The following TMEM108 variants were observed in gnomAD, a reference collection of about 807,000 sequenced individuals.
TMEM108 encodes the protein transmembrane protein 108, also known as cancer/testis antigen 124.
A neutral mutation model predicts 35.1 loss-of-function variants in TMEM108; 12 were observed. The observed-to-expected ratio is 0.34, with a 90% CI of 0.22 to 0.55. The LOEUF is 0.55. Ranked by LOEUF, TMEM108 falls within the 20% of genes least tolerant of loss-of-function variation. The pLI is 0.89. For synonymous variants in TMEM108, 287 were observed against 308.6 expected, an observed-to-expected ratio of 0.93 and a Z score of 0.73; for missense variants, 680 against 753.3, an observed-to-expected ratio of 0.90 and a Z score of 1.14.
chr3:133,374,824 A>G (rs1239399054), intron 3 of TMEM108, among the ~76,000 whole-genome samples: 2 of 152,248 alleles, frequency 1.3e-5, no homozygotes, highest in African/African-American at 2.4e-5. Flanking sequence ...AGAAAAGTCA[A>G]GAGACCAACA....
intron 3 of TMEM108, among the ~76,000 whole-genome samples, chr3:133,371,625 A>G (rs554646022): frequency 1.3e-5 from 2 of 150,934 alleles, no homozygotes; most frequent in East Asian, 3.9e-4. Flanking sequence ...AAAAAAAAAA[A>G]AAAAAAAAAA....
At chr3:133,166,712 C>T (rs568056518) in intron 2 of TMEM108, among the ~76,000 whole-genome samples, 22 of 152,272 alleles carry the variant, frequency 1.4e-4, no homozygotes, top group East Asian at 5.8e-4. Flanking sequence ...CAGACCTGCG[C>T]GGTGAGTGTT....
At chr3:133,252,843 C>T (rs1946490722) in intron 3 of TMEM108, among the ~76,000 whole-genome samples, 1 of 152,096 alleles carries the variant, frequency 6.6e-6, no homozygotes, top group South Asian at 2.1e-4. Context: ...ATGTATTTTC[C>T]ATCTGCAGTT....
intron 2 of TMEM108, among the ~76,000 whole-genome samples, chr3:133,071,857 C>T (rs1943679701): frequency 6.6e-6 from 1 of 152,132 alleles, no homozygotes; most frequent in Non-Finnish European, 1.5e-5. Flanking sequence ...TCCCATTTGT[C>T]TACTTTTGCT....
At chr3:133,328,213 G>A (rs1284667396) in intron 3 of TMEM108, among the ~76,000 whole-genome samples, 2 of 152,182 alleles carry the variant, frequency 1.3e-5, no homozygotes, top group Admixed American at 6.5e-5. Context: ...CTAATGTCAT[G>A]AGGTCAGAAG....
intron 3 of TMEM108, chr3:133,378,230 A>C (rs6804197): frequency 0.38 from 216,929 of 565,506 alleles, 42,213 homozygotes; most frequent in East Asian, 0.42. Context: ...TTAGAAGTGC[A>C]GGGTGAGGAC....
At chr3:133,180,194 G>A (rs915984183) in intron 2 of TMEM108, among the ~76,000 whole-genome samples, 3 of 151,982 alleles carry the variant, frequency 2.0e-5, no homozygotes, top group Non-Finnish European at 4.4e-5. Flanking sequence ...GTGGGGGAGA[G>A]GGACTAGAAA....
chr3:133,356,588 GT>G (rs1213479654), intron 3 of TMEM108, among the ~76,000 whole-genome samples: 1 of 152,166 alleles, frequency 6.6e-6, no homozygotes, highest in East Asian at 1.9e-4. Context: ...CAAAGCTACA[GT>G]TACCAAAACA....
intron 2 of TMEM108, among the ~76,000 whole-genome samples, chr3:133,201,685 TTATC>T (rs1234459867): frequency 6.6e-6 from 1 of 152,174 alleles, no homozygotes; most frequent in Non-Finnish European, 1.5e-5. Context: ...CACATTTTCT[TTATC>T]TAGTCTATCA....
At chr3:133,224,838 A>G (rs1946044970) in intron 2 of TMEM108, among the ~76,000 whole-genome samples, 1 of 136,316 alleles carries the variant, frequency 7.3e-6, no homozygotes, top group South Asian at 2.4e-4. Flanking sequence ...AAAATTAAAT[A>G]TTAGACATCT....
chr3:133,073,079 C>A (rs368090060), intron 2 of TMEM108, among the ~76,000 whole-genome samples: 1 of 151,990 alleles, frequency 6.6e-6, no homozygotes, highest in East Asian at 1.9e-4. Flanking sequence ...TGTGGAATGG[C>A]TAAATTAAGC....
At chr3:133,047,274 A>C (rs1007064013) in intron 2 of TMEM108, among the ~76,000 whole-genome samples, 1 of 152,184 alleles carries the variant, frequency 6.6e-6, no homozygotes, top group Admixed American at 6.5e-5. Flanking sequence ...ACTTTGCTCA[A>C]TTTCCTCTAT....
At chr3:133,081,127 A>G (rs762971227) in intron 2 of TMEM108, among the ~76,000 whole-genome samples, 3 of 152,192 alleles carry the variant, frequency 2.0e-5, no homozygotes, top group South Asian at 2.1e-4. Flanking sequence ...CCATACCTTC[A>G]TCATTTCTCA....
intron 2 of TMEM108, among the ~76,000 whole-genome samples, chr3:133,222,165 A>T (rs1946001606): frequency 6.6e-6 from 1 of 152,108 alleles, no homozygotes; most frequent in Non-Finnish European, 1.5e-5. Context: ...TCTTTATTTC[A>T]GAAGGACAGC....
At position 133,360,368 on chromosome 3, in the gene TMEM108, T is replaced by C. The variant is rs545880834; in HGVS notation, c.41-19384T>C. Among the ~76,000 whole-genome samples, 5 of 152,288 alleles carry C rather than the reference T, an allele frequency of 3.3e-5. No individual in the cohort carries two copies. In the South Asian group the frequency reaches 1.0e-3, roughly 32 times the overall value. On this transcript the variant is annotated intron_variant, in intron 3 of 5. Transcript: ENST00000321871. ...TAAATCATACCTCAATAAAGTTAAT[T>C]TTAAAAAGAAAAGAAATGTCTCTTA... is the stretch of plus-strand genomic sequence containing the variant.
intron 4 of TMEM108, chr3:133,388,877 C>T: frequency 1.0e-6 from 1 of 985,922 alleles, no homozygotes; most frequent in Non-Finnish European, 1.2e-6. Context: ...CTGGCCAGAC[C>T]CTCAGGCTGC....
chr3:133,180,402 CCAAT>C (rs759665080), intron 2 of TMEM108, among the ~76,000 whole-genome samples: 8 of 152,036 alleles, frequency 5.3e-5, no homozygotes, highest in Non-Finnish European at 8.8e-5. Flanking sequence ...GCCTCAAGTC[CCAAT>C]CAATTTCCAG....
intron 2 of TMEM108, among the ~76,000 whole-genome samples, chr3:133,177,463 C>T (rs1275453704): frequency 1.3e-5 from 2 of 152,200 alleles, no homozygotes; most frequent in African/African-American, 2.4e-5. Context: ...AAAAGCTTAT[C>T]CATCATGATC....
chr3:133,293,404 C>CT (rs1204611086), intron 3 of TMEM108, among the ~76,000 whole-genome samples: 7 of 150,418 alleles, frequency 4.7e-5, no homozygotes, highest in Admixed American at 4.6e-4. Flanking sequence ...TGTTGGCTTA[C>CT]TATGTGCCAG....
Sources: allele counts gnomAD v4.1 joint callset (sites outside exome capture counted in the v4.1 genomes callset), GRCh38; gene constraint gnomAD v4.1.1; transcripts MANE v1.5; gene names NCBI Gene and HGNC (gene_info 2026-07-23, HGNC 2026-07-21).